ABI2: variants seen among roughly 807,000 people sequenced by gnomAD.
ABI2 encodes the protein abl interactor 2, also known as abelson interactor 2.
ABI2 carries 25 observed loss-of-function variants against 59.2 expected under a neutral mutation model. The observed-to-expected ratio is 0.42, with a 90% CI of 0.31 to 0.59. The LOEUF is 0.59. Ranked by LOEUF, ABI2 falls within the 20% of genes least tolerant of loss-of-function variation. The probability of loss-of-function intolerance (pLI) is 0.14; values close to 1 mark genes in which losing one functional copy is unlikely to be tolerated. For synonymous variants in ABI2, 213 were observed against 235.5 expected, an observed-to-expected ratio of 0.90 and a Z score of 0.87; for missense variants, 545 against 681.8, an observed-to-expected ratio of 0.80 and a Z score of 2.23.
intron 1 of ABI2, among the ~76,000 whole-genome samples, chr2:203,338,661 C>T (rs995483410): frequency 5.3e-5 from 8 of 151,480 alleles, no homozygotes; most frequent in Non-Finnish European, 1.0e-4. Context: ...TTCCTTCATA[C>T]GATCATAAGA....
At chr2:203,398,824 GT>G (rs960858646) in intron 8 of ABI2, among the ~76,000 whole-genome samples, 2 of 151,446 alleles carry the variant, frequency 1.3e-5, no homozygotes, top group Non-Finnish European at 1.5e-5. Flanking sequence ...TTTTTGATCT[GT>G]TTTTTTTGGC....
At chr2:203,390,151 G>A (rs1441203309) in intron 4 of ABI2, among the ~76,000 whole-genome samples, 1 of 152,180 alleles carries the variant, frequency 6.6e-6, no homozygotes, top group African/African-American at 2.4e-5. Context: ...TTTCAGGTAG[G>A]TGGTTCCCTC....
rs182579132 is a variant in ABI2 at position 203,376,339 on chromosome 2, A to C, written c.286-3869A>C. 4.4e-3 allele frequency among the ~76,000 whole-genome samples: 667 copies of C among 152,288 alleles called. 4 individuals are homozygous for C. Among genetic ancestry groups the C allele is most frequent in the South Asian group, 0.011 (54 of 4,820 alleles). On this transcript the variant is annotated intron_variant, in intron 2 of 11. Transcript: ENST00000261018. Reference sequence around the variant, plus strand: ...CCTTCACCCCTGCCCACAACAAAGAATTATCAAGCCCAAAATGTCAATAGT... The same window carrying C: ...CCTTCACCCCTGCCCACAACAAAGACTTATCAAGCCCAAAATGTCAATAGT...
chr2:203,374,413 T>C (rs2095535722), intron 2 of ABI2, among the ~76,000 whole-genome samples: 1 of 151,288 alleles, frequency 6.6e-6, no homozygotes, highest in African/African-American at 2.4e-5. Flanking sequence ...GGTAGGAGAA[T>C]TGCTTGAACC....
In ABI2 at chr2:203,375,980, A is replaced by G. The variant is rs61659268; in HGVS notation, c.286-4228A>G. The G allele has an allele frequency of 3.7e-3, 4,299 of 1,174,872 alleles. 105 individuals carry two copies. In the African/African-American group the frequency reaches 0.057, roughly 16 times the overall value. The allele number at this position is 1,174,872 out of a possible 1,614,324, so 72.8% of individuals were successfully genotyped here. ...GTGGTAGTATGATGGCAAGAATGCA[A>G]ATTATACCGTTGTTAGATTACCTTT... On this transcript the variant is annotated intron_variant, in intron 2 of 11. Transcript: ENST00000261018.
intron 1 of ABI2, among the ~76,000 whole-genome samples, chr2:203,358,871 G>A (rs1436762418): frequency 1.3e-5 from 2 of 152,154 alleles, no homozygotes; most frequent in Non-Finnish European, 2.9e-5. Flanking sequence ...AATTAGCTGG[G>A]TGTAATGATG....
intron 1 of ABI2, among the ~76,000 whole-genome samples, chr2:203,346,996 T>A (rs1156574088): frequency 6.6e-6 from 1 of 152,240 alleles, no homozygotes; most frequent in African/African-American, 2.4e-5. Flanking sequence ...TTTAATTTTG[T>A]ATAGTTTTTC....
chr2:203,370,087 C>CTTAA, intron 2 of ABI2, among the ~76,000 whole-genome samples: 1 of 151,840 alleles, frequency 6.6e-6, no homozygotes, highest in Admixed American at 6.6e-5. Flanking sequence ...GCAAACTTTT[C>CTTAA]TTAAATAAAA....
chr2:203,417,891 A>G (rs2097970599), intron 11 of ABI2, among the ~76,000 whole-genome samples: 1 of 152,330 alleles, frequency 6.6e-6, no homozygotes, highest in Admixed American at 6.5e-5. Context: ...TGTAGCTACT[A>G]TAAATACCAC....
intron 11 of ABI2, among the ~76,000 whole-genome samples, chr2:203,423,474 A>G (rs571402839): frequency 7.2e-4 from 110 of 152,272 alleles, no homozygotes; most frequent in South Asian, 2.7e-3. Flanking sequence ...CGCTCAGGCT[A>G]GAGTGCAGTG....
intron 5 of ABI2, among the ~76,000 whole-genome samples, chr2:203,392,314 C>CCACCAACAACAA (rs1316028754): frequency 8.1e-6 from 1 of 123,228 alleles, no homozygotes; most frequent in East Asian, 2.2e-4. Context: ...ACCACCACCA[C>CCACCAACAACAA]CAACAACAAC....
intron 7 of ABI2, among the ~76,000 whole-genome samples, chr2:203,396,490 A>G (rs533695341): frequency 3.9e-5 from 6 of 152,330 alleles, no homozygotes; most frequent in Admixed American, 2.0e-4. Flanking sequence ...ACAGAATGTT[A>G]TGCTAAAAAT....
chr2:203,379,184 G>A (rs544684682), intron 2 of ABI2, among the ~76,000 whole-genome samples: 105 of 152,230 alleles, frequency 6.9e-4, no homozygotes, highest in African/African-American at 2.4e-3. Flanking sequence ...TATTTTACAG[G>A]CATTTTGTCA....
chr2:203,363,192 A>G (rs549151481), intron 1 of ABI2, among the ~76,000 whole-genome samples: 20 of 152,210 alleles, frequency 1.3e-4, no homozygotes, highest in Admixed American at 3.9e-4. Context: ...GTAGGTGTAT[A>G]TATTTATGGG....
In ABI2 at chr2:203,401,362, C is replaced by T. The variant is rs527666740; in HGVS notation, c.1034-1214C>T. Among the ~76,000 whole-genome samples the T allele has an allele frequency of 6.6e-4, 100 of 152,172 alleles. 1 individual carries two copies. The highest frequency in any genetic ancestry group is 2.2e-3 in the African/African-American group (93 of 41,516). ...CCTGCTTATTTCTCCGCCTCCTCTT[C>T]TCTCTTGCCCTCCCCTTCTCCCTTG... On this transcript the variant is annotated intron_variant, in intron 8 of 11. Coordinates refer to ENST00000261018, the MANE Select transcript of ABI2 (RefSeq NM_001375670.1).
intron 11 of ABI2, among the ~76,000 whole-genome samples, chr2:203,417,375 T>C (rs539870829): frequency 3.9e-5 from 6 of 152,360 alleles, no homozygotes; most frequent in Admixed American, 2.6e-4. Flanking sequence ...AAGATTATTT[T>C]TCCACATTAT....
At chr2:203,406,744 A>C (rs1001497972) in intron 9 of ABI2, among the ~76,000 whole-genome samples, 11 of 152,030 alleles carry the variant, frequency 7.2e-5, no homozygotes, top group African/African-American at 1.7e-4. Flanking sequence ...GCTCACTGCA[A>C]CCTCTGCCTC....
chr2:203,375,360 T>A (rs917566189), intron 2 of ABI2, among the ~76,000 whole-genome samples: 1 of 152,180 alleles, frequency 6.6e-6, no homozygotes, highest in Non-Finnish European at 1.5e-5. Flanking sequence ...CACAGGTGAG[T>A]GCTGTTATTG....
chr2:203,422,087 G>C (rs1035241566), intron 11 of ABI2, among the ~76,000 whole-genome samples: 4 of 152,056 alleles, frequency 2.6e-5, no homozygotes, highest in African/African-American at 9.7e-5. Context: ...CTTGAGACGA[G>C]GAGTTCAAGA....
Sources: allele counts gnomAD v4.1 joint callset (sites outside exome capture counted in the v4.1 genomes callset), GRCh38; gene constraint gnomAD v4.1.1; transcripts MANE v1.5; gene names NCBI Gene and HGNC (gene_info 2026-07-23, HGNC 2026-07-21).